The following DZIP3 variants were observed in gnomAD, a reference collection of about 807,000 sequenced individuals.
DZIP3 encodes the protein DAZ interacting zinc finger protein 3, also known as E3 ubiquitin-protein ligase DZIP3.
In DZIP3, 118 loss-of-function variants were observed where a neutral mutation model predicts 162.0. The ratio of observed to expected loss-of-function variants is 0.73; its 90% CI spans 0.63 to 0.85. The LOEUF (loss-of-function observed/expected upper bound fraction) is 0.85. Among genes scored for constraint, DZIP3 ranks in the 40% least tolerant of loss-of-function variants. The pLI, the probability that DZIP3 is intolerant of heterozygous loss-of-function variation, is 0.00. For synonymous variants in DZIP3, 438 were observed against 458.6 expected (o/e 0.96, Z 0.57); for missense variants, 1,331 against 1,407.0 (o/e 0.95, Z 0.86).
intron 21 of DZIP3, among the ~76,000 whole-genome samples, chr3:108,667,573 T>C (rs1005876432): frequency 6.6e-6 from 1 of 152,184 alleles, no homozygotes; most frequent in Non-Finnish European, 1.5e-5. Context: ...GTATCTTGAC[T>C]GTATTACCAT....
chr3:108,604,810 T>A (rs1255134146), intron 1 of DZIP3, among the ~76,000 whole-genome samples: 1 of 152,196 alleles, frequency 6.6e-6, no homozygotes, highest in East Asian at 1.9e-4. Context: ...ATAAACCTTT[T>A]GGGAAGCCAT....
chr3:108,635,585 A>G (rs1223623218), intron 10 of DZIP3, among the ~76,000 whole-genome samples: 4 of 147,148 alleles, frequency 2.7e-5, no homozygotes, highest in Admixed American at 2.1e-4. Flanking sequence ...ATAATTATAT[A>G]TAACTAACTA....
At chr3:108,676,708 T>C (rs1278205689) in intron 25 of DZIP3, among the ~76,000 whole-genome samples, 7 of 152,098 alleles carry the variant, frequency 4.6e-5, no homozygotes, top group Non-Finnish European at 1.0e-4. Context: ...CTCCAAACTC[T>C]TTCTTACTCA....
At chr3:108,688,455 A>AT (rs1473253447) in intron 29 of DZIP3, 138 bp from the exon 30 acceptor site, 44 of 978,044 alleles carry the variant, frequency 4.5e-5, no homozygotes, top group Non-Finnish European at 6.4e-5. Flanking sequence ...TATTGCCACC[A>AT]TTTTGTTCAA....
chr3:108,631,091 T>TCTCTCTCTCC (rs1213783653), intron 8 of DZIP3, among the ~76,000 whole-genome samples: 1 of 147,678 alleles, frequency 6.8e-6, no homozygotes, highest in East Asian at 2.0e-4. Context: ...TCTCTCTCTC[T>TCTCTCTCTCC]CTCCTATCCT....
chr3:108,607,954 TACC>T, intron 2 of DZIP3, 132 bp from the exon 3 acceptor site: 1 of 725,824 alleles, frequency 1.4e-6, no homozygotes, highest in Non-Finnish European at 2.4e-6. Flanking sequence ...ATATGGCACC[TACC>T]ACCATTACCA....
chr3:108,661,870 T>A lies in DZIP3; in HGVS notation c.2200-7T>A. 6.2e-7 allele frequency: 1 copy of A among 1,610,140 alleles called. No homozygotes were observed. On this transcript the variant is annotated splice_polypyrimidine_tract_variant and splice_region_variant and intron_variant, in intron 19 of 32. Coordinates refer to ENST00000361582, the MANE Select transcript of DZIP3 (RefSeq NM_014648.4). ...AATAATACATGCATATTTCCTGTGC[T>A]CAATAGGGCTCAGCTGGCAAAGTAA...
intron 5 of DZIP3, among the ~76,000 whole-genome samples, chr3:108,618,768 CAG>C (rs1403530146): frequency 1.3e-5 from 2 of 151,910 alleles, no homozygotes; most frequent in African/African-American, 4.8e-5. Context: ...TCAGTATAAA[CAG>C]AAAGCTTATG....
At position 108,646,620 on chromosome 3, in the gene DZIP3, T is replaced by C; in HGVS notation, c.1763T>C (p.Ile588Thr). Residue 588 changes from isoleucine to threonine, a missense_variant, in exon 15 of 33, where the codon ATT becomes ACT. Around this residue, in one of 2 missense-constraint regions of DZIP3, gnomAD observed 1,278 missense variants for 1,317.1 expected, o/e 0.97. Coordinates refer to ENST00000361582, the MANE Select transcript of DZIP3 (RefSeq NM_014648.4). ...QRMLSCYQQG[I>T]ALQSITGSQR... is the part of the protein sequence containing the mutation. Reference sequence around the variant, plus strand: ...AATTTTTCTTTATGTATTATAGGAATTGCTCTACAGTCAATAACAGGCAGT... The same window carrying C: ...AATTTTTCTTTATGTATTATAGGAACTGCTCTACAGTCAATAACAGGCAGT... 6.3e-7 allele frequency: 1 copy of C among 1,577,554 alleles called. No individual in the cohort carries two copies.
chr3:108,675,924 G>T, intron 25 of DZIP3, 51 bp downstream of exon 25: 3 of 1,497,898 alleles, frequency 2.0e-6, no homozygotes, highest in Non-Finnish European at 2.8e-6. Context: ...TATAGGTGGT[G>T]TAAAGTTAGA....
In DZIP3 at chr3:108,629,282, A is replaced by T. The variant is rs561351086; in HGVS notation, c.696+106A>T. 8 of 745,972 alleles carry T rather than the reference A, an allele frequency of 1.1e-5. No homozygotes were observed. The South Asian group carries it at 1.4e-4, about 13-fold the overall frequency. 46.2% of individuals were successfully genotyped at this position (745,972 alleles called of 1,614,324 possible). A position where few individuals can be genotyped will look rare whatever the true frequency, so the allele number is the denominator to read the frequency against. ...TTCTTTTATTGGCACATAACTTTTTATACAAGAAACAACCTTTATTGCATT... is the reference window on the plus strand; with the variant it reads ...TTCTTTTATTGGCACATAACTTTTTTTACAAGAAACAACCTTTATTGCATT... On this transcript the variant is annotated intron_variant, in intron 8 of 32. Transcript: ENST00000361582.
At chr3:108,675,452 G>A (rs933262920) in intron 24 of DZIP3, among the ~76,000 whole-genome samples, 1 of 151,958 alleles carries the variant, frequency 6.6e-6, no homozygotes, top group Non-Finnish European at 1.5e-5. Context: ...GAACACTGCT[G>A]TATTAGATTA....
chr3:108,616,722 A>G, intron 5 of DZIP3, 65 bp downstream of exon 5: 3 of 1,125,786 alleles, frequency 2.7e-6, no homozygotes, highest in Non-Finnish European at 3.9e-6. Flanking sequence ...GTGAGAAAAC[A>G]GCCAATGCAT....
intron 1 of DZIP3, among the ~76,000 whole-genome samples, chr3:108,604,732 AAC>A (rs1413832665): frequency 6.6e-6 from 1 of 152,220 alleles, no homozygotes. Flanking sequence ...ACTAAAAGAA[AAC>A]AAAACAGTGC....
At chr3:108,680,365 G>A (rs1375485972) in intron 26 of DZIP3, among the ~76,000 whole-genome samples, 1 of 152,002 alleles carries the variant, frequency 6.6e-6, no homozygotes, top group African/African-American at 2.4e-5. Flanking sequence ...GTCCCTTTTT[G>A]TAGACAAATG....
intron 32 of DZIP3, 171 bp downstream of exon 32, chr3:108,691,074 AAG>A (rs76900192): frequency 0.048 from 26,413 of 554,680 alleles, 2,697 homozygotes; most frequent in East Asian, 0.37. Context: ...AATGAACTGA[AAG>A]AGCTTGAAGC....
In DZIP3 at chr3:108,672,614, A is replaced by G. The variant is rs1355112131; in HGVS notation, c.2547A>G (p.Val849=). ...HNLESTMKTY[V]SKLNAETSRA... is the part of the protein sequence containing the mutation. ...TGGAAAGCACAATGAAAACATACGT[A>G]AGCAAACTGAACGCAGAAACTAGCA... The change falls in exon 23 of 33, where the codon GTA becomes GTG. Residue 849 remains valine, a synonymous_variant. Coordinates refer to ENST00000361582, the MANE Select transcript of DZIP3 (RefSeq NM_014648.4). 1.2e-6 allele frequency: 2 copies of G among 1,612,164 alleles called. No individual in the cohort carries two copies. The highest frequency in any genetic ancestry group is 4.5e-5 in the East Asian group (2 of 44,808).
At position 108,654,013 on chromosome 3, in the gene DZIP3, TC is replaced by T. The variant is rs527539012; in HGVS notation, c.2034-130del. ...ACTCAGTATGAGCACTATCCAAACTTCCTTTGATCATGAACCCTTCTAATGC... is the reference window on the plus strand; with the variant it reads ...ACTCAGTATGAGCACTATCCAAACTTCTTTGATCATGAACCCTTCTAATGC... On this transcript the variant is annotated intron_variant, in intron 18 of 32. Transcript: ENST00000361582. The T allele has an allele frequency of 1.3e-4, 121 of 897,458 alleles. No individual in the cohort carries two copies. In the African/African-American group the frequency reaches 1.9e-3, roughly 14 times the overall value. The allele number at this position is 897,458 out of a possible 1,614,324, so 55.6% of individuals were successfully genotyped here.
Position 108,654,526 on chromosome 3 carries a change from A to C in DZIP3, c.2199+216A>C. The C allele has an allele frequency of 6.1e-6, 3 of 493,888 alleles. No individual in the cohort carries two copies. The South Asian group carries it at 7.3e-5, about 12-fold the overall frequency. 30.6% of individuals were successfully genotyped at this position (493,888 alleles called of 1,614,324 possible). A position where few individuals can be genotyped will look rare whatever the true frequency, so the allele number is the denominator to read the frequency against. On this transcript the variant is annotated intron_variant, in intron 19 of 32. Coordinates refer to ENST00000361582, the MANE Select transcript of DZIP3 (RefSeq NM_014648.4). ...GCTGGAAACTTCACTTTAGCCCTCA[A>C]ACCATTTCCTGGCTTTAATTATAGG...
Sources: allele counts gnomAD v4.1 joint callset (sites outside exome capture counted in the v4.1 genomes callset), GRCh38; gene constraint gnomAD v4.1.1; regional missense constraint gnomAD v4.1.1; transcripts MANE v1.5; gene names NCBI Gene and HGNC (gene_info 2026-07-23, HGNC 2026-07-21).